The following COL25A1 variants were observed in gnomAD, a reference collection of about 807,000 sequenced individuals.
COL25A1 encodes collagen type XXV alpha 1 chain, also known as collagen alpha-1(XXV) chain.
In COL25A1, 103 loss-of-function variants were observed where a neutral mutation model predicts 128.4. That is an observed-to-expected ratio of 0.80 (90% CI 0.68 to 0.94). The LOEUF is 0.94. COL25A1 is among the 40% of genes least tolerant of loss of function. The pLI, the probability that COL25A1 is intolerant of heterozygous loss-of-function variation, is 0.00. For synonymous variants in COL25A1, 279 were observed against 277.2 expected, an observed-to-expected ratio of 1.01 and a Z score of -0.06; for missense variants, 745 against 840.0, an observed-to-expected ratio of 0.89 and a Z score of 1.40.
intron 3 of COL25A1, among the ~76,000 whole-genome samples, chr4:109,279,675 T>C (rs912038761): frequency 2.0e-5 from 3 of 152,224 alleles, no homozygotes; most frequent in Non-Finnish European, 4.4e-5. Flanking sequence ...TAAACTAATA[T>C]AAATGATAAA....
intron 13 of COL25A1, among the ~76,000 whole-genome samples, chr4:108,910,497 C>A (rs111935274): frequency 6.6e-6 from 1 of 152,128 alleles, no homozygotes; most frequent in Non-Finnish European, 1.5e-5. Flanking sequence ...ACATTATAAT[C>A]CCTATTTGAA....
intron 3 of COL25A1, among the ~76,000 whole-genome samples, chr4:109,187,335 T>C (rs1215053825): frequency 6.6e-6 from 1 of 152,232 alleles, no homozygotes; most frequent in African/African-American, 2.4e-5. Context: ...AAGATGGATG[T>C]TCAGTCATTT....
intron 3 of COL25A1, among the ~76,000 whole-genome samples, chr4:109,255,173 AT>A (rs1464093816): frequency 1.1e-4 from 17 of 152,342 alleles, no homozygotes; most frequent in African/African-American, 4.1e-4. Context: ...GACAATATGA[AT>A]ATGAATTTGT....
At chr4:109,293,074 C>T (rs539682013) in intron 3 of COL25A1, among the ~76,000 whole-genome samples, 2 of 152,044 alleles carry the variant, frequency 1.3e-5, no homozygotes, top group East Asian at 3.9e-4. Flanking sequence ...TTTCATAATT[C>T]CTGGAAGGGT....
rs79099641 is a variant in COL25A1, at chr4:109,082,354, G to C, written c.368-32175C>G. On this transcript the variant is annotated intron_variant, in intron 3 of 37. Coordinates refer to ENST00000399132, the MANE Select transcript of COL25A1 (RefSeq NM_198721.4). ...GAATTACTGGTCATTTGGTAAACTT[G>C]ATCTTTAATTATTTGAGAGGCTGCC... Among the ~76,000 whole-genome samples the C allele has an allele frequency of 4.1e-4, 63 of 152,268 alleles. No homozygotes were observed. In the East Asian group the frequency reaches 0.012, roughly 28 times the overall value.
rs374924334 is a variant in COL25A1, at chr4:108,856,703, G to C, written c.1320+2953C>G. On this transcript the variant is annotated intron_variant, in intron 24 of 37. Coordinates refer to ENST00000399132, the MANE Select transcript of COL25A1 (RefSeq NM_198721.4). ...TAGGTTGAGACATAAGCATGAACTA[G>C]TTGACTATGATGGATATTGGCTGTT... Among the ~76,000 whole-genome samples, 6 of 152,206 alleles carry C rather than the reference G, an allele frequency of 3.9e-5. No homozygotes were observed. In the East Asian group the frequency reaches 9.6e-4, roughly 24 times the overall value.
At chr4:109,218,357 G>GTTTTTTTTTTTTTGTTTTTTT (rs1778170328) in intron 3 of COL25A1, among the ~76,000 whole-genome samples, 2 of 73,528 alleles carry the variant, frequency 2.7e-5, no homozygotes, top group African/African-American at 1.1e-4. Context: ...GTTTTTTGGG[G>GTTTTTTTTTTTTTGTTTTTTT]TTTTTTTTTT....
At chr4:109,005,381 C>T (rs1041254781) in intron 6 of COL25A1, among the ~76,000 whole-genome samples, 6 of 152,202 alleles carry the variant, frequency 3.9e-5, no homozygotes, top group Non-Finnish European at 8.8e-5. Context: ...TTGGGAATTA[C>T]AATTCACATG....
intron 8 of COL25A1, among the ~76,000 whole-genome samples, chr4:108,955,433 C>T (rs1251457010): frequency 6.6e-6 from 1 of 152,008 alleles, no homozygotes; most frequent in East Asian, 1.9e-4. Context: ...TTGTACAAGG[C>T]GTAATTATCC....
chr4:108,859,776 A>G (rs1261462529), intron 23 of COL25A1, 43 bp from the exon 24 acceptor site: 1 of 1,464,062 alleles, frequency 6.8e-7, no homozygotes, highest in Non-Finnish European at 9.6e-7. Flanking sequence ...GTATTAGCTT[A>G]GCATGTAGGG....
At chr4:109,227,979 G>A (rs1378762631) in intron 3 of COL25A1, among the ~76,000 whole-genome samples, 1 of 152,166 alleles carries the variant, frequency 6.6e-6, no homozygotes, top group African/African-American at 2.4e-5. Context: ...AAGGCCAAAA[G>A]CCTCAGGACC....
At chr4:108,926,522 C>T (rs572920455) in intron 11 of COL25A1, among the ~76,000 whole-genome samples, 1 of 152,130 alleles carries the variant, frequency 6.6e-6, no homozygotes, top group South Asian at 2.1e-4. Flanking sequence ...AAGTCTAGTT[C>T]CAAAGGGAAG....
intron 3 of COL25A1, among the ~76,000 whole-genome samples, chr4:109,247,951 A>G (rs1038017033): frequency 6.6e-6 from 1 of 152,186 alleles, no homozygotes; most frequent in Non-Finnish European, 1.5e-5. Context: ...GCTTACTGTC[A>G]TGAAAGTCAA....
chr4:109,031,607 G>A (rs1204337138), intron 5 of COL25A1, among the ~76,000 whole-genome samples: 6 of 152,146 alleles, frequency 3.9e-5, no homozygotes, highest in Admixed American at 6.5e-5. Context: ...CAGTTCCAGC[G>A]AGATGTACTG....
chr4:108,950,465 A>G (rs1366487736), intron 8 of COL25A1, among the ~76,000 whole-genome samples: 1 of 152,190 alleles, frequency 6.6e-6, no homozygotes, highest in Non-Finnish European at 1.5e-5. Flanking sequence ...ACACACTAGG[A>G]GACCCTTCTG....
chr4:108,846,264 C>G, intron 27 of COL25A1, 45 bp from the exon 28 acceptor site: 1 of 1,156,756 alleles, frequency 8.6e-7, no homozygotes, highest in Non-Finnish European at 1.3e-6. Flanking sequence ...CATAATGACC[C>G]CCGATAATTA....
At chr4:109,158,280 G>A (rs548454801) in intron 3 of COL25A1, among the ~76,000 whole-genome samples, 1 of 151,424 alleles carries the variant, frequency 6.6e-6, no homozygotes, top group Admixed American at 6.6e-5. Flanking sequence ...TTACCAATCT[G>A]TGTGTCTTCC....
intron 3 of COL25A1, among the ~76,000 whole-genome samples, chr4:109,234,107 A>T (rs1372484087): frequency 6.6e-6 from 1 of 152,170 alleles, no homozygotes. Context: ...TATAGAAAAA[A>T]TAATGGGTAG....
chr4:109,037,043 T>G (rs1359889919), intron 5 of COL25A1, among the ~76,000 whole-genome samples: 2 of 152,238 alleles, frequency 1.3e-5, no homozygotes, highest in African/African-American at 4.8e-5. Flanking sequence ...TCATGTGTCC[T>G]ATAAAATCCT....
Sources: gnomAD v4.1 joint callset for allele counts (sites outside exome capture counted in the v4.1 genomes callset) on GRCh38, gnomAD v4.1.1 for gene constraint, MANE v1.5 for transcripts, NCBI Gene and HGNC (gene_info 2026-07-23, HGNC 2026-07-21) for gene names.